The following CDHR1 variants were observed in gnomAD, a reference collection of about 807,000 sequenced individuals.
CDHR1 encodes cadherin related family member 1, also known as cadherin-related family member 1.
CDHR1 carries 61 observed loss-of-function variants against 72.1 expected under a neutral mutation model. The ratio of observed to expected loss-of-function variants is 0.85; its 90% CI spans 0.69 to 1.05. The LOEUF is 1.05. Among genes scored for constraint, CDHR1 ranks in the 50% least tolerant of loss-of-function variants. CDHR1 has a pLI of 0.00. For synonymous variants in CDHR1, 470 were observed against 448.1 expected (o/e 1.05, Z -0.62); for missense variants, 1,186 against 1,115.7 (o/e 1.06, Z -0.90).
rs886044615 is a variant in CDHR1 at position 84,211,037 on chromosome 10, A to G, written c.1357A>G (p.Ser453Gly). 18 of 1,614,204 alleles carry G rather than the reference A, an allele frequency of 1.1e-5. No individual in the cohort carries two copies. The highest frequency in any genetic ancestry group is 1.5e-5 in the Non-Finnish European group (18 of 1,180,036). Reference protein sequence around the residue: ...AVEVNTPEKFSSTADVVIQLL... With the variant: ...AVEVNTPEKFGSTADVVIQLL... Reference sequence around the variant, plus strand: ...TGAAGTGAACACCCCAGAGAAGTTCAGTTCCACAGCGGATGTTGTGATCCA... The same window carrying G: ...TGAAGTGAACACCCCAGAGAAGTTCGGTTCCACAGCGGATGTTGTGATCCA... Residue 453 changes from serine (S) to glycine (G), a missense_variant, in exon 13 of 17, where the codon AGT becomes GGT. Ser to Gly is a moderately conservative substitution (Grantham distance 56). Transcript: ENST00000623527.
chr10:84,211,895 T>A (rs1470302951), intron 14 of CDHR1, among the ~76,000 whole-genome samples, 180 bp downstream of exon 14: 1 of 152,028 alleles, frequency 6.6e-6, no homozygotes, highest in Non-Finnish European at 1.5e-5. Context: ...GCCCAGGACC[T>A]CAGGAGCCAG....
At chr10:84,211,615 G>T in intron 13 of CDHR1, 33 bp from the exon 14 acceptor site, 1 of 1,598,950 alleles carries the variant, frequency 6.3e-7, no homozygotes, top group Non-Finnish European at 8.6e-7. Context: ...CTGACAAAGA[G>T]GCACGTGCCA....
chr10:84,206,032 G>A lies in CDHR1; in HGVS notation c.963+105G>A, dbSNP rs564772758. The A allele has an allele frequency of 1.7e-4, 138 of 818,170 alleles. No individual in the cohort carries two copies. In the Middle Eastern group the frequency reaches 2.8e-3, roughly 17 times the overall value. 50.7% of individuals were successfully genotyped at this position (818,170 alleles called of 1,614,324 possible). On this transcript the variant is annotated intron_variant, in intron 10 of 16. Coordinates refer to ENST00000623527, the MANE Select transcript of CDHR1 (RefSeq NM_033100.4). ...TTCCTGGGGCCCATAGTCTGGGGAG[G>A]GGGCTAGATGTTGTTCTAAAGAGCA... is the stretch of plus-strand genomic sequence containing the variant.
In CDHR1 at chr10:84,208,788, T is replaced by C; in HGVS notation, c.1227T>C (p.Val409=). 1 of 1,614,226 alleles carries C rather than the reference T, an allele frequency of 6.2e-7. No individual in the cohort carries two copies. The highest frequency in any genetic ancestry group is 8.5e-7 in the Non-Finnish European group (1 of 1,180,024). Residue 409 remains valine (V), a synonymous_variant, in exon 12 of 17, where the codon GTT becomes GTC. Coordinates refer to ENST00000623527, the MANE Select transcript of CDHR1 (RefSeq NM_033100.4). ...LVGPRGIFRV[V]PQTVLNEAQV... is the part of the protein sequence containing the mutation. ...GACCCAGGGGCATCTTCCGAGTGGT[T>C]CCACAGACAGTCCTGAATGAAGCCC...
chr10:84,201,424 A>G (rs1842122941), intron 6 of CDHR1, among the ~76,000 whole-genome samples: 1 of 152,140 alleles, frequency 6.6e-6, no homozygotes, highest in Admixed American at 6.5e-5. Context: ...GAAGGTCCCA[A>G]CGTTTCTCTC....
At position 84,214,217 on chromosome 10, in the gene CDHR1, C is replaced by A. The variant is rs141706561; in HGVS notation, c.2176C>A (p.Arg726Ser). ...TVLISTATFWRNKKSNKVLPM... is the reference protein window; with the variant it reads ...TVLISTATFWSNKKSNKVLPM... ...CCTCATCTCCACCGCCACCTTCTGG[C>A]GCAACAAGAAGTCTAACAAGGTCCT... Residue 726 changes from arginine (R) to serine (S), a missense_variant, in exon 17 of 17, where the codon CGC (arginine) becomes AGC (serine). Transcript: ENST00000623527. 1.5e-5 allele frequency: 25 copies of A among 1,614,050 alleles called. No homozygotes were observed. The highest frequency in any genetic ancestry group is 2.2e-5 in the South Asian group (2 of 91,090).
chr10:84,217,237 G>A lies in CDHR1; in HGVS notation c.*2616G>A. On this transcript the variant is annotated 3_prime_UTR_variant, in exon 17 of 17. Transcript: ENST00000623527. The stretch of plus-strand genomic sequence containing the variant: ...TCCCAGTAGGACAGGCAGAGCTCCA[G>A]GCTGGCACCATGGTAGGCCTCCAGG... 1.0e-6 allele frequency: 1 copy of A among 985,510 alleles called. No homozygotes were observed. The highest frequency in any genetic ancestry group is 4.7e-5 in the South Asian group (1 of 21,294). The allele number at this position is 985,510 out of a possible 1,614,324, so 61.0% of individuals were successfully genotyped here.
intron 9 of CDHR1, 73 bp from the exon 10 acceptor site, chr10:84,205,754 G>A (rs942096944): frequency 3.3e-5 from 32 of 982,276 alleles, no homozygotes; most frequent in Middle Eastern, 5.5e-4. Flanking sequence ...AATGCAGGAC[G>A]ATCCTGTGGC....
Position 84,208,897 on chromosome 10 carries a change from A to C in CDHR1, c.1320+16A>C. Reference sequence around the variant, plus strand: ...AACCTTCAAGGTAGGTGGTGCCCTGAATTCACTGCCCTGAATGGGAGGGTC... The same window carrying C: ...AACCTTCAAGGTAGGTGGTGCCCTGCATTCACTGCCCTGAATGGGAGGGTC... On this transcript the variant is annotated intron_variant, in intron 12 of 16. Coordinates refer to ENST00000623527, the MANE Select transcript of CDHR1 (RefSeq NM_033100.4). The C allele has an allele frequency of 6.2e-7, 1 of 1,612,328 alleles. No homozygotes were observed. Among genetic ancestry groups the C allele is most frequent in the Non-Finnish European group, 8.5e-7 (1 of 1,179,012 alleles).
At position 84,214,278 on chromosome 10, in the gene CDHR1, C is replaced by T; in HGVS notation, c.2237C>T (p.Pro746Leu). 2 of 1,613,862 alleles carry T rather than the reference C, an allele frequency of 1.2e-6. No individual in the cohort carries two copies. The highest frequency in any genetic ancestry group is 1.7e-6 in the Non-Finnish European group (2 of 1,180,046). Residue 746 changes from proline to leucine, a missense_variant, in exon 17 of 17, where the codon CCT becomes CTT. Physicochemically the swap from Pro to Leu is moderately conservative, Grantham distance 98. Coordinates refer to ENST00000623527, the MANE Select transcript of CDHR1 (RefSeq NM_033100.4). ...CGGGTGCTCCGCAAGCGGCCCAGCC[C>T]TGCGCCCCGCACCATCCGCATTGAG... is the stretch of plus-strand genomic sequence containing the variant. The part of the protein sequence containing the change: ...MRRVLRKRPS[P>L]APRTIRIEWL...
At chr10:84,211,194 G>T in intron 13 of CDHR1, 29 bp downstream of exon 13, 1 of 1,613,228 alleles carries the variant, frequency 6.2e-7, no homozygotes, top group South Asian at 1.1e-5. Context: ...CAGGGACTGG[G>T]TGGGATAGGA....
rs765931396 is a variant in CDHR1, at chr10:84,196,671, T to C, written c.297+21T>C. ...GAGAGGTATGGGGAGGTGTGGGGAG[T>C]GCTGCGGGGCCACTGCCTGTAGACA... On this transcript the variant is annotated intron_variant, in intron 3 of 16. Transcript: ENST00000623527. The C allele has an allele frequency of 3.1e-6, 5 of 1,613,498 alleles. No homozygotes were observed. In the South Asian group the frequency reaches 5.5e-5, roughly 18 times the overall value.
rs4528260 is a variant in CDHR1 at position 84,197,492 on chromosome 10, G to A, written c.298-294G>A. On this transcript the variant is annotated intron_variant, in intron 3 of 16. Coordinates refer to ENST00000623527, the MANE Select transcript of CDHR1 (RefSeq NM_033100.4). ...TTGAGCACACTAAGGTCGACATCTC[G>A]CCTCACTGTGGCAGGAGAGTATTTT... is the stretch of plus-strand genomic sequence containing the variant. 6.2e-3 allele frequency among the ~76,000 whole-genome samples: 947 copies of A among 152,284 alleles called. 12 individuals are homozygous for A. Among genetic ancestry groups the A allele is most frequent in the African/African-American group, 0.022 (914 of 41,538 alleles).
rs939467373 is a variant in CDHR1, at chr10:84,218,163, G to A, written c.*3542G>A. The A allele has an allele frequency of 1.4e-5, 14 of 985,330 alleles. No homozygotes were observed. The highest frequency in any genetic ancestry group is 8.7e-5 in the African/African-American group (5 of 57,234). The allele number at this position is 985,330 out of a possible 1,614,324, so 61.0% of individuals were successfully genotyped here. A position where few individuals can be genotyped will look rare whatever the true frequency, so the allele number is the denominator to read the frequency against. ...GGAGAATGGAGAAGATGCCACATGAGGAATGAGGCAGGAGACTGGCATGTG... is the reference window on the plus strand; with the variant it reads ...GGAGAATGGAGAAGATGCCACATGAAGAATGAGGCAGGAGACTGGCATGTG... On this transcript the variant is annotated 3_prime_UTR_variant, in exon 17 of 17. Transcript: ENST00000623527.
At chr10:84,207,414 C>A (rs1842245924) in intron 10 of CDHR1, among the ~76,000 whole-genome samples, 1 of 151,950 alleles carries the variant, frequency 6.6e-6, no homozygotes, top group African/African-American at 2.4e-5. Context: ...GGTGAAGAAT[C>A]TGAATGAGGG....
chr10:84,215,473 T>C lies in CDHR1; in HGVS notation c.*852T>C. 8 of 983,792 alleles carry C rather than the reference T, an allele frequency of 8.1e-6. No homozygotes were observed. Among genetic ancestry groups the C allele is most frequent in the Non-Finnish European group, 9.7e-6 (8 of 828,506 alleles). 60.9% of individuals were successfully genotyped at this position (983,792 alleles called of 1,614,324 possible). On this transcript the variant is annotated 3_prime_UTR_variant, in exon 17 of 17. Transcript: ENST00000623527. The stretch of plus-strand genomic sequence containing the variant: ...GACAATTCAGGGCAGTTGATGAATA[T>C]CAGGGCTGAGATGTGGTGAGACTTC...
At chr10:84,211,777 A>C in intron 14 of CDHR1, 62 bp downstream of exon 14, 1 of 1,443,960 alleles carries the variant, frequency 6.9e-7, no homozygotes, top group Non-Finnish European at 9.8e-7. Flanking sequence ...CTGAGGGTGG[A>C]GGAGGTCTGT....
intron 3 of CDHR1, 97 bp downstream of exon 3, chr10:84,196,747 A>G (rs2132788627): frequency 7.1e-7 from 1 of 1,413,262 alleles, no homozygotes. Context: ...GAACCTCTCC[A>G]CAGAGTAGGG....
At position 84,194,725 on chromosome 10, in the gene CDHR1, C is replaced by T. The variant is rs990876754; in HGVS notation, c.-36C>T. The T allele has an allele frequency of 8.9e-6, 13 of 1,461,950 alleles. No homozygotes were observed. Among genetic ancestry groups the T allele is most frequent in the East Asian group, 2.7e-5 (1 of 37,022 alleles). The allele number at this position is 1,461,950 out of a possible 1,614,324, so 90.6% of individuals were successfully genotyped here. The stretch of plus-strand genomic sequence containing the variant: ...TGCTCCGTGCCCCTGCGCCCGGTCT[C>T]GGCGGCGGCAGGCGACACTCCGCGC... On this transcript the variant is annotated 5_prime_UTR_variant, in exon 1 of 17. Coordinates refer to ENST00000623527, the MANE Select transcript of CDHR1 (RefSeq NM_033100.4).
Sources: gnomAD v4.1 joint callset for allele counts (sites outside exome capture counted in the v4.1 genomes callset) on GRCh38, gnomAD v4.1.1 for gene constraint, MANE v1.5 for transcripts, NCBI Gene and HGNC (gene_info 2026-07-23, HGNC 2026-07-21) for gene names.